The following OPCML variants were observed in gnomAD, a reference collection of about 807,000 sequenced individuals.
The protein encoded by OPCML is opioid-binding protein/cell adhesion molecule.
OPCML carries 13 observed loss-of-function variants against 37.8 expected under a neutral mutation model. The ratio of observed to expected loss-of-function variants is 0.34; its 90% confidence interval spans 0.22 to 0.55. The LOEUF is 0.55. Among genes scored for constraint, OPCML ranks in the 20% least tolerant of loss-of-function variants. OPCML has a pLI of 0.91. For synonymous variants in OPCML, 176 were observed against 168.8 expected (o/e 1.04, Z -0.33); for missense variants, 341 against 435.6 (o/e 0.78, Z 1.93).
chr11:132,704,048 C>G (rs1006446270), intron 2 of OPCML, among the ~76,000 whole-genome samples: 2 of 152,030 alleles, frequency 1.3e-5, no homozygotes, highest in Admixed American at 1.3e-4. Context: ...GGTTTTTTTG[C>G]AGTCTACTTG....
chr11:132,649,203 C>A (rs1234239057), intron 3 of OPCML, among the ~76,000 whole-genome samples: 1 of 151,996 alleles, frequency 6.6e-6, no homozygotes, highest in Non-Finnish European at 1.5e-5. Flanking sequence ...CAAAGCAAAG[C>A]AGAACAAAGC....
chr11:132,496,120 C>G (rs2096230454), intron 4 of OPCML, among the ~76,000 whole-genome samples: 1 of 152,112 alleles, frequency 6.6e-6, no homozygotes, highest in South Asian at 2.1e-4. Flanking sequence ...GAATTCCCCC[C>G]ACTGCAGTCC....
At chr11:132,443,302 G>A (rs1253242170) in intron 4 of OPCML, among the ~76,000 whole-genome samples, 1 of 152,206 alleles carries the variant, frequency 6.6e-6, no homozygotes, top group East Asian at 1.9e-4. Flanking sequence ...GGAAGGGGAA[G>A]TGGGAGGAGC....
At chr11:133,042,121 G>A (rs992946598) in intron 1 of OPCML, among the ~76,000 whole-genome samples, 18 of 152,246 alleles carry the variant, frequency 1.2e-4, no homozygotes, top group South Asian at 4.1e-4. Context: ...CATGTGACAC[G>A]GAAACGCAAT....
intron 2 of OPCML, among the ~76,000 whole-genome samples, chr11:132,759,098 A>G (rs993339069): frequency 6.6e-6 from 1 of 152,160 alleles, no homozygotes; most frequent in African/African-American, 2.4e-5. Flanking sequence ...GTGATGGGTT[A>G]CATTTATTGA....
At chr11:133,494,482 C>A (rs902413425) in intron 1 of OPCML, among the ~76,000 whole-genome samples, 33 of 150,156 alleles carry the variant, frequency 2.2e-4, no homozygotes, top group African/African-American at 5.7e-4. Flanking sequence ...AAATGTCCAA[C>A]AATGATAGAC....
At chr11:132,515,699 C>T (rs1407647183) in intron 4 of OPCML, among the ~76,000 whole-genome samples, 1 of 152,140 alleles carries the variant, frequency 6.6e-6, no homozygotes, top group Non-Finnish European at 1.5e-5. Flanking sequence ...TCTTCTGAAT[C>T]TCATACAGAG....
chr11:133,366,310 T>C (rs1321629364), intron 1 of OPCML, among the ~76,000 whole-genome samples: 1 of 152,118 alleles, frequency 6.6e-6, no homozygotes, highest in Non-Finnish European at 1.5e-5. Flanking sequence ...GGTGAGTGGG[T>C]CACCGACGTG....
At chr11:132,872,545 T>C (rs1942846662) in intron 2 of OPCML, among the ~76,000 whole-genome samples, 1 of 152,044 alleles carries the variant, frequency 6.6e-6, no homozygotes, top group African/African-American at 2.4e-5. Flanking sequence ...GACAAAGATT[T>C]CCAGTGCCTA....
intron 1 of OPCML, among the ~76,000 whole-genome samples, chr11:133,150,675 G>A (rs1437311414): frequency 1.3e-5 from 2 of 152,098 alleles, no homozygotes; most frequent in African/African-American, 4.8e-5. Flanking sequence ...GTGCAGTGTC[G>A]GCAAAGGTGC....
At chr11:132,545,616 G>C (rs2096366981) in intron 3 of OPCML, among the ~76,000 whole-genome samples, 1 of 151,944 alleles carries the variant, frequency 6.6e-6, no homozygotes, top group African/African-American at 2.4e-5. Context: ...CTACAGATTT[G>C]TATAACTTTG....
chr11:132,714,583 C>T (rs1404665240), intron 2 of OPCML, among the ~76,000 whole-genome samples: 1 of 135,146 alleles, frequency 7.4e-6, no homozygotes, highest in African/African-American at 3.5e-5. Context: ...ATTGATAAAT[C>T]TTGACTTTGG....
At chr11:133,094,561 G>T (rs1387358840) in intron 1 of OPCML, among the ~76,000 whole-genome samples, 4 of 152,094 alleles carry the variant, frequency 2.6e-5, no homozygotes, top group Admixed American at 2.6e-4. Flanking sequence ...TTGCTCAGAA[G>T]CATTTTTTAG....
intron 1 of OPCML, among the ~76,000 whole-genome samples, chr11:133,525,793 A>G (rs545755879): frequency 1.3e-5 from 2 of 152,248 alleles, no homozygotes; most frequent in Admixed American, 6.5e-5. Context: ...TCCACGTTGG[A>G]GTTCACTGTG....
At chr11:133,183,348 A>G (rs993859766) in intron 1 of OPCML, among the ~76,000 whole-genome samples, 1 of 152,190 alleles carries the variant, frequency 6.6e-6, no homozygotes, top group African/African-American at 2.4e-5. Flanking sequence ...GCAAAGTTAC[A>G]TCTCACTGGC....
At chr11:133,086,038 C>G (rs777495632) in intron 1 of OPCML, among the ~76,000 whole-genome samples, 1 of 152,206 alleles carries the variant, frequency 6.6e-6, no homozygotes, top group South Asian at 2.1e-4. Context: ...TGATCCCTCT[C>G]TGTGCATTTC....
At chr11:133,015,881 C>T (rs1252315235) in intron 1 of OPCML, among the ~76,000 whole-genome samples, 1 of 152,158 alleles carries the variant, frequency 6.6e-6, no homozygotes, top group African/African-American at 2.4e-5. Context: ...CCTATGCCTC[C>T]TCCAAGACCC....
intron 1 of OPCML, among the ~76,000 whole-genome samples, chr11:133,070,585 C>T (rs1541884): frequency 0.23 from 35,311 of 152,054 alleles, 4,686 homozygotes; most frequent in East Asian, 0.42. Flanking sequence ...AGAGAGGTAA[C>T]GCAACGGTGT....
At chr11:132,689,778 T>C (rs1433471132) in intron 2 of OPCML, among the ~76,000 whole-genome samples, 1 of 152,172 alleles carries the variant, frequency 6.6e-6, no homozygotes, top group African/African-American at 2.4e-5. Context: ...CTTTATCTCA[T>C]GAAATAAGCT....
Sources: allele counts gnomAD v4.1 joint callset (sites outside exome capture counted in the v4.1 genomes callset), GRCh38; gene constraint gnomAD v4.1.1; transcripts MANE v1.5; gene names NCBI Gene and HGNC (gene_info 2026-07-23, HGNC 2026-07-21).